PHC3: variants seen among roughly 807,000 people sequenced by gnomAD.
The protein encoded by PHC3 is polyhomeotic homolog 3.
PHC3 carries 13 observed loss-of-function variants against 107.4 expected under a neutral mutation model. The ratio of observed to expected loss-of-function variants is 0.12; its 90% confidence interval spans 0.08 to 0.19. PHC3 has a LOEUF of 0.19. Among genes scored for constraint, PHC3 ranks in the 10% least tolerant of loss-of-function variants. The pLI, the probability that PHC3 is intolerant of heterozygous loss-of-function variation, is 1.00. For synonymous variants in PHC3, 456 were observed against 427.4 expected (o/e 1.07, Z -0.83); for missense variants, 992 against 1,210.9 (o/e 0.82, Z 2.68).
At chr3:170,113,671 A>G (rs961866163) in intron 10 of PHC3, among the ~76,000 whole-genome samples, 152 bp from the exon 11 acceptor site, 2 of 152,218 alleles carry the variant, frequency 1.3e-5, no homozygotes, top group Non-Finnish European at 2.9e-5. Flanking sequence ...ATTCCTTGGG[A>G]AAAGATGAGG....
At chr3:170,104,296 T>C (rs931474567) in intron 12 of PHC3, among the ~76,000 whole-genome samples, 1 of 152,078 alleles carries the variant, frequency 6.6e-6, no homozygotes, top group African/African-American at 2.4e-5. Context: ...AGACCTGGCC[T>C]GGGTGAGTTT....
rs1723142947 is a variant in PHC3 at position 170,136,756 on chromosome 3, T to C, written c.673-91A>G. The C allele has an allele frequency of 8.2e-6, 11 of 1,335,846 alleles. No individual in the cohort carries two copies. In the Middle Eastern group the frequency reaches 5.6e-4, roughly 67 times the overall value. The allele number at this position is 1,335,846 out of a possible 1,614,324, so 82.7% of individuals were successfully genotyped here. Reference sequence around the variant, plus strand: ...CCATTATGACAATACTGACAACACATTTATATTATGCTTTTCATACGTAAA... The same window carrying C: ...CCATTATGACAATACTGACAACACACTTATATTATGCTTTTCATACGTAAA... On this transcript the variant is annotated intron_variant, in intron 6 of 14. Coordinates refer to ENST00000495893, the MANE Select transcript of PHC3 (RefSeq NM_024947.4).
chr3:170,137,822 C>G (rs1329578167), intron 6 of PHC3, among the ~76,000 whole-genome samples: 1 of 152,104 alleles, frequency 6.6e-6, no homozygotes, highest in Admixed American at 6.5e-5. Flanking sequence ...TCACTTGAAC[C>G]CAGGAGGCAA....
chr3:170,174,754 T>A (rs1560136577), intron 2 of PHC3, among the ~76,000 whole-genome samples: 1 of 152,206 alleles, frequency 6.6e-6, no homozygotes, highest in East Asian at 1.9e-4. Flanking sequence ...TAGACTACTA[T>A]GCCTGATACA....
chr3:170,131,518 T>TG (rs1377446501), intron 7 of PHC3, among the ~76,000 whole-genome samples: 1 of 152,172 alleles, frequency 6.6e-6, no homozygotes, highest in Non-Finnish European at 1.5e-5. Flanking sequence ...ACCATACTGT[T>TG]GAAGTACCAG....
At chr3:170,120,707 T>C (rs1261550124) in intron 9 of PHC3, among the ~76,000 whole-genome samples, 1 of 151,806 alleles carries the variant, frequency 6.6e-6, no homozygotes, top group Non-Finnish European at 1.5e-5. Context: ...AGATTTACAA[T>C]AGTAGTGAGG....
chr3:170,124,922 T>C (rs1006051983), intron 8 of PHC3, among the ~76,000 whole-genome samples: 1 of 152,042 alleles, frequency 6.6e-6, no homozygotes, highest in African/African-American at 2.4e-5. Context: ...TAAAATAAAA[T>C]AAAATAAAAA....
Position 170,133,869 on chromosome 3 carries a change from T to C in PHC3, c.919+2550A>G, listed in dbSNP as rs557430283. Among the ~76,000 whole-genome samples, 20 of 152,264 alleles carry C rather than the reference T, an allele frequency of 1.3e-4. No homozygotes were observed. The South Asian group carries it at 3.1e-3, about 24-fold the overall frequency. ...GGGGACTGAAAAATCCAAAACTAGA[T>C]TTCCTTGCTTGAACTAACCCTGAAA... On this transcript the variant is annotated intron_variant, in intron 7 of 14. Coordinates refer to ENST00000495893, the MANE Select transcript of PHC3 (RefSeq NM_024947.4).
intron 4 of PHC3, among the ~76,000 whole-genome samples, chr3:170,154,732 A>G (rs1388835751): frequency 6.6e-6 from 1 of 152,218 alleles, no homozygotes; most frequent in Non-Finnish European, 1.5e-5. Context: ...TAAGTTCCAT[A>G]TAACAAGTAA....
chr3:170,132,616 C>T (rs915082994), intron 7 of PHC3, among the ~76,000 whole-genome samples: 1 of 152,204 alleles, frequency 6.6e-6, no homozygotes, highest in African/African-American at 2.4e-5. Flanking sequence ...CATCTGCAAG[C>T]CAGGAAGTGA....
intron 11 of PHC3, among the ~76,000 whole-genome samples, chr3:170,108,303 T>C (rs1716964953): frequency 6.6e-6 from 1 of 152,126 alleles, no homozygotes; most frequent in Admixed American, 6.6e-5. Context: ...ATGGGTGGCA[T>C]GTACTCAGTG....
At chr3:170,154,467 A>C (rs1257737875) in intron 4 of PHC3, among the ~76,000 whole-genome samples, 1 of 152,206 alleles carries the variant, frequency 6.6e-6, no homozygotes, top group African/African-American at 2.4e-5. Flanking sequence ...AACAGTAAGA[A>C]AGAAATGTAC....
intron 8 of PHC3, among the ~76,000 whole-genome samples, chr3:170,123,250 A>G (rs1031866244): frequency 1.3e-5 from 2 of 152,092 alleles, no homozygotes; most frequent in Non-Finnish European, 2.9e-5. Flanking sequence ...CTGAGAATCT[A>G]CAAAAAAAGA....
chr3:170,175,806 C>A (rs1327810991), intron 2 of PHC3, among the ~76,000 whole-genome samples: 1 of 151,888 alleles, frequency 6.6e-6, no homozygotes, highest in Non-Finnish European at 1.5e-5. Flanking sequence ...TGCCTGTAGT[C>A]CCAGCTACTC....
intron 12 of PHC3, among the ~76,000 whole-genome samples, chr3:170,104,277 C>T (rs1716046364): frequency 6.6e-6 from 1 of 151,808 alleles, no homozygotes; most frequent in African/African-American, 2.4e-5. Flanking sequence ...AAAAAATGAA[C>T]AATGGGAAAG....
At chr3:170,180,391 G>T (rs1238199840) in intron 1 of PHC3, among the ~76,000 whole-genome samples, 1 of 152,132 alleles carries the variant, frequency 6.6e-6, no homozygotes, top group East Asian at 1.9e-4. Context: ...CCAGGCTGCA[G>T]TGAGCTATGA....
chr3:170,133,459 G>A (rs1409287985), intron 7 of PHC3, among the ~76,000 whole-genome samples: 1 of 152,166 alleles, frequency 6.6e-6, no homozygotes, highest in East Asian at 1.9e-4. Context: ...TTACAGGCGT[G>A]AGCCACCGTG....
chr3:170,099,207 G>T (rs1311048419), intron 14 of PHC3, among the ~76,000 whole-genome samples: 1 of 152,170 alleles, frequency 6.6e-6, no homozygotes, highest in Non-Finnish European at 1.5e-5. Context: ...CCTCTGTATT[G>T]TGAGATTCCT....
In PHC3 at chr3:170,171,382, G is replaced by C; in HGVS notation, c.405C>G (p.Ser135=). Residue 135 remains serine, a synonymous_variant, in exon 4 of 15, where the codon TCC becomes TCG. Coordinates refer to ENST00000495893, the MANE Select transcript of PHC3 (RefSeq NM_024947.4). ...AATTTAGGGAACTTACAGACGTTTG[G>C]GACATACTTGACTGCTGTGTGACAC... is the stretch of plus-strand genomic sequence containing the variant. The part of the protein sequence containing the change: ...TGSVTQQSSM[S]QTSINLSTSP... 1 of 1,603,358 alleles carries C rather than the reference G, an allele frequency of 6.2e-7. No homozygotes were observed. The highest frequency in any genetic ancestry group is 2.2e-5 in the East Asian group (1 of 44,592).
Sources: allele counts gnomAD v4.1 joint callset (sites outside exome capture counted in the v4.1 genomes callset), GRCh38; gene constraint gnomAD v4.1.1; transcripts MANE v1.5; gene names NCBI Gene and HGNC (gene_info 2026-07-23, HGNC 2026-07-21).